The following ATP6V1H variants were observed in gnomAD, a reference collection of about 807,000 sequenced individuals.
The protein encoded by ATP6V1H is ATPase H+ transporting V1 subunit H.
Under a neutral mutation model 71.7 loss-of-function variants are expected in ATP6V1H, and 39 were observed. That is an observed-to-expected ratio of 0.54 (90% CI 0.42 to 0.71). The LOEUF (loss-of-function observed/expected upper bound fraction) is 0.71. ATP6V1H is among the 30% of genes least tolerant of loss of function. ATP6V1H has a pLI of 0.00. For synonymous variants in ATP6V1H, 192 were observed against 199.3 expected (o/e 0.96, Z 0.31); for missense variants, 509 against 594.9 (o/e 0.86, Z 1.50).
intron 9 of ATP6V1H, among the ~76,000 whole-genome samples, chr8:53,791,086 G>A (rs1809550227): frequency 1.3e-5 from 2 of 152,026 alleles, no homozygotes; most frequent in African/African-American, 2.4e-5. Context: ...AGACAAGGGA[G>A]AAACTCAAAA....
chr8:53,737,938 G>A lies in ATP6V1H; in HGVS notation c.1391+5639C>T, dbSNP rs1807280965. 2.6e-5 allele frequency among the ~76,000 whole-genome samples: 4 copies of A among 152,072 alleles called. No individual in the cohort carries two copies. In the South Asian group the frequency reaches 6.2e-4, roughly 24 times the overall value. ...AAAACCTGTCAATTCATTTCCATTA[G>A]CTATAAAACATTTTTTCCCCCATCA... On this transcript the variant is annotated intron_variant, in intron 13 of 13. Coordinates refer to ENST00000359530, the MANE Select transcript of ATP6V1H (RefSeq NM_015941.4).
chr8:53,803,952 CT>C (rs1809997122), intron 7 of ATP6V1H, among the ~76,000 whole-genome samples: 1 of 152,148 alleles, frequency 6.6e-6, no homozygotes, highest in Non-Finnish European at 1.5e-5. Context: ...CACAAAAATT[CT>C]TTGTTTCAGG....
At chr8:53,720,702 C>T (rs1271093524) in intron 13 of ATP6V1H, among the ~76,000 whole-genome samples, 4 of 152,216 alleles carry the variant, frequency 2.6e-5, no homozygotes, top group Non-Finnish European at 5.9e-5. Context: ...ATGGTAACTT[C>T]AGCTGTGTAA....
Position 53,814,445 on chromosome 8 carries a change from T to G in ATP6V1H, c.525+217A>C, listed in dbSNP as rs116553454. Among the ~76,000 whole-genome samples, 402 of 151,852 alleles carry G rather than the reference T, an allele frequency of 2.6e-3. 1 individual carries two copies. The highest frequency in any genetic ancestry group is 9.3e-3 in the African/African-American group (385 of 41,398). On this transcript the variant is annotated intron_variant, in intron 6 of 13. Transcript: ENST00000359530. ...AAAAGCATGACTAAGAAACCCCAAG[T>G]GGCAGAAAAGACAGAAAGGATTGAA...
intron 4 of ATP6V1H, among the ~76,000 whole-genome samples, chr8:53,820,678 A>G (rs559813136): frequency 5.9e-5 from 9 of 151,562 alleles, no homozygotes; most frequent in Admixed American, 1.3e-4. Flanking sequence ...AAAAAAAAAA[A>G]AAAAGAAAAG....
chr8:53,777,680 A>G (rs907585491), intron 9 of ATP6V1H, among the ~76,000 whole-genome samples: 1 of 152,224 alleles, frequency 6.6e-6, no homozygotes, highest in Non-Finnish European at 1.5e-5. Flanking sequence ...TCTCTGTCAC[A>G]ACTGCACAAT....
chr8:53,729,364 G>A (rs1380441710), intron 13 of ATP6V1H, among the ~76,000 whole-genome samples: 2 of 152,146 alleles, frequency 1.3e-5, no homozygotes, highest in Non-Finnish European at 2.9e-5. Context: ...CACCCAAGAG[G>A]CTATATGAAG....
chr8:53,824,062 G>C (rs769455539), intron 4 of ATP6V1H, among the ~76,000 whole-genome samples: 2 of 150,404 alleles, frequency 1.3e-5, no homozygotes, highest in African/African-American at 2.4e-5. Flanking sequence ...TATGCAAATA[G>C]AGAAAAAAAT....
chr8:53,758,138 G>A (rs547922514), intron 11 of ATP6V1H, among the ~76,000 whole-genome samples: 2 of 152,134 alleles, frequency 1.3e-5, no homozygotes, highest in Non-Finnish European at 2.9e-5. Context: ...CAAACTATGT[G>A]TGTTTTTAAA....
At chr8:53,769,846 G>A in intron 10 of ATP6V1H, 103 bp from the exon 11 acceptor site, 3 of 1,020,942 alleles carry the variant, frequency 2.9e-6, no homozygotes, top group Non-Finnish European at 4.2e-6. Context: ...TACAAAGACT[G>A]ACCATCCTTT....
rs11404196 is a variant in ATP6V1H, at chr8:53,751,673, C to CTT, written c.1277+4880_1277+4881dup. On this transcript the variant is annotated intron_variant, in intron 12 of 13. Transcript: ENST00000359530. ...CTGATAATGCCAATAAAGATAATTT[C>CTT]TTTTTTTTTTTTTCGAGACAGAGTC... Among the ~76,000 whole-genome samples, 343 of 144,800 alleles carry CTT rather than the reference C, an allele frequency of 2.4e-3. 4 individuals carry two copies. Among genetic ancestry groups the CTT allele is most frequent in the African/African-American group, 8.2e-3 (325 of 39,716 alleles). The allele number at this position is 144,800 out of a possible 152,430, so 95.0% of individuals were successfully genotyped here.
At chr8:53,818,280 TA>T (rs1317255472) in intron 4 of ATP6V1H, among the ~76,000 whole-genome samples, 4 of 152,216 alleles carry the variant, frequency 2.6e-5, no homozygotes, top group African/African-American at 9.6e-5. Flanking sequence ...TTATTTATTT[TA>T]TTTCCATAGG....
intron 11 of ATP6V1H, among the ~76,000 whole-genome samples, 186 bp downstream of exon 11, chr8:53,769,432 G>T (rs1171543529): frequency 6.6e-6 from 1 of 152,110 alleles, no homozygotes; most frequent in Non-Finnish European, 1.5e-5. Flanking sequence ...GACTTGAACA[G>T]GCACTTCTCC....
At chr8:53,745,599 C>T (rs1416305318) in intron 12 of ATP6V1H, among the ~76,000 whole-genome samples, 1 of 151,908 alleles carries the variant, frequency 6.6e-6, no homozygotes, top group East Asian at 1.9e-4. Flanking sequence ...CTCTAACACA[C>T]GAGTTTTCTC....
rs1810806469 is a variant in ATP6V1H, at chr8:53,825,731, T to TA, written c.306+3712dup. ...AAAACATAAAATTAGACACATACCT[T>TA]ACACTATAGACAAGAACCAACTCTA... On this transcript the variant is annotated intron_variant, in intron 4 of 13. Coordinates refer to ENST00000359530, the MANE Select transcript of ATP6V1H (RefSeq NM_015941.4). 2.6e-5 allele frequency among the ~76,000 whole-genome samples: 4 copies of TA among 152,070 alleles called. No individual in the cohort carries two copies. The South Asian group carries it at 8.3e-4, about 31-fold the overall frequency.
chr8:53,834,583 G>A (rs764020612), intron 2 of ATP6V1H, among the ~76,000 whole-genome samples: 15 of 151,906 alleles, frequency 9.9e-5, no homozygotes, highest in African/African-American at 2.9e-4. Flanking sequence ...ATGCCACCAC[G>A]CCCAGCTAAT....
At chr8:53,757,395 T>C (rs1004799588) in intron 11 of ATP6V1H, among the ~76,000 whole-genome samples, 4 of 152,046 alleles carry the variant, frequency 2.6e-5, no homozygotes, top group African/African-American at 7.2e-5. Flanking sequence ...GGGAGGGAGA[T>C]GGTGCTGCTC....
chr8:53,765,271 G>A (rs1474503226), intron 11 of ATP6V1H, among the ~76,000 whole-genome samples: 1 of 151,776 alleles, frequency 6.6e-6, no homozygotes, highest in Non-Finnish European at 1.5e-5. Context: ...GCGTGGTGGT[G>A]CGCGCCTGTA....
intron 4 of ATP6V1H, among the ~76,000 whole-genome samples, chr8:53,824,305 T>C (rs1810759245): frequency 6.6e-6 from 1 of 152,170 alleles, no homozygotes; most frequent in Admixed American, 6.5e-5. Flanking sequence ...TTAGCCCTTG[T>C]AGTCCTAATG....
Sources: allele counts gnomAD v4.1 joint callset (sites outside exome capture counted in the v4.1 genomes callset), GRCh38; gene constraint gnomAD v4.1.1; transcripts MANE v1.5; gene names NCBI Gene and HGNC (gene_info 2026-07-23, HGNC 2026-07-21).